SAMD15: variants seen among roughly 807,000 people sequenced by gnomAD.
SAMD15 encodes sterile alpha motif domain-containing protein 15.
In SAMD15, 37 loss-of-function variants were observed where a neutral mutation model predicts 50.5. The ratio of observed to expected loss-of-function variants is 0.73; its 90% CI spans 0.56 to 0.96. The LOEUF (loss-of-function observed/expected upper bound fraction) is 0.96. SAMD15 is among the 40% of genes least tolerant of loss of function. The pLI, the probability that SAMD15 is intolerant of heterozygous loss-of-function variation, is 0.00. For missense variants in SAMD15, 789 were observed against 783.8 expected (o/e 1.01, Z -0.08); for synonymous variants, 255 against 282.8 (o/e 0.90, Z 0.99).
Position 77,378,940 on chromosome 14 carries a change from G to T in SAMD15, c.1522G>T (p.Val508Phe). Residue 508 changes from valine (V) to phenylalanine (F), a missense_variant, in exon 1 of 3, where the codon GTT (valine) becomes TTT (phenylalanine). Val to Phe is a conservative substitution (Grantham distance 50, BLOSUM62 -1). Around this residue, in one of 2 missense-constraint regions of SAMD15, gnomAD observed 770 missense variants for 745.4 expected, o/e 1.03. Coordinates refer to ENST00000216471, the MANE Select transcript of SAMD15 (RefSeq NM_001010860.4). ...SESQTELSEF[V>F]HEKEVVDLSQ... is the part of the protein sequence containing the mutation. ...GTCTCAGACAGAATTAAGTGAGTTCGTTCATGAAAAGGAAGTTGTAGATTT... is the reference window on the plus strand; with the variant it reads ...GTCTCAGACAGAATTAAGTGAGTTCTTTCATGAAAAGGAAGTTGTAGATTT... The T allele has an allele frequency of 6.2e-7, 1 of 1,614,114 alleles. No individual in the cohort carries two copies. Among genetic ancestry groups the T allele is most frequent in the Non-Finnish European group, 8.5e-7 (1 of 1,179,990 alleles).
rs767761452 is a variant in SAMD15 at position 77,391,171 on chromosome 14, C to G, written c.1952C>G (p.Ala651Gly). 1.3e-5 allele frequency: 21 copies of G among 1,613,888 alleles called. No individual in the cohort carries two copies. The African/African-American group carries it at 1.3e-4, about 10-fold the overall frequency. ...ACTTTATCTGAATTTGTCAAAGCAG[C>G]AGGATTACAGGATTATGCTCCAGAA... Reference protein sequence around the residue: ...SLTLSEFVKAAGLQDYAPEIT... With the variant: ...SLTLSEFVKAGGLQDYAPEIT... The change falls in exon 3 of 3, where the codon GCA (alanine) becomes GGA (glycine). Residue 651 changes from alanine (A) to glycine (G), a missense_variant. Around this residue, in one of 2 missense-constraint regions of SAMD15, gnomAD observed 19 missense variants for 38.3 expected, o/e 0.50. Coordinates refer to ENST00000216471, the MANE Select transcript of SAMD15 (RefSeq NM_001010860.4).
Position 77,388,243 on chromosome 14 carries a change from C to T in SAMD15, c.1789-2765C>T, listed in dbSNP as rs951882265. The stretch of plus-strand genomic sequence containing the variant: ...AATTTGTGAAATAACCTTTTCTATT[C>T]GGGGCATTGGAAAGGAGAATCAGGG... On this transcript the variant is annotated intron_variant, in intron 2 of 2. Transcript: ENST00000216471. Among the ~76,000 whole-genome samples, 34 of 152,052 alleles carry T rather than the reference C, an allele frequency of 2.2e-4. 1 individual carries two copies. The highest frequency in any genetic ancestry group is 1.9e-4 in the Non-Finnish European group (13 of 68,016).
rs551116256 is a variant in SAMD15 at position 77,391,305 on chromosome 14, G to A, written c.*61G>A. On this transcript the variant is annotated 3_prime_UTR_variant, in exon 3 of 3. Transcript: ENST00000216471. ...TAAATTACTTGAGGGAAGAGGTATGGTCTTTTTTGGTTTTCTTTTTCTCCT... is the reference window on the plus strand; with the variant it reads ...TAAATTACTTGAGGGAAGAGGTATGATCTTTTTTGGTTTTCTTTTTCTCCT... 16 of 1,070,568 alleles carry A rather than the reference G, an allele frequency of 1.5e-5. No homozygotes were observed. The South Asian group carries it at 2.4e-4, about 16-fold the overall frequency. The allele number at this position is 1,070,568 out of a possible 1,614,324, so 66.3% of individuals were successfully genotyped here.
rs371944244 is a variant in SAMD15 at position 77,378,653 on chromosome 14, C to G, written c.1235C>G (p.Pro412Arg). Reference sequence around the variant, plus strand: ...CTAGAGTTACCAGATGAAACCAAACCAAGGGAGACACATGTAGAATTTTCC... The same window carrying G: ...CTAGAGTTACCAGATGAAACCAAACGAAGGGAGACACATGTAGAATTTTCC... ...KILELPDETK[P>R]RETHVEFSKE... The change falls in exon 1 of 3, where the codon CCA becomes CGA. Residue 412 changes from proline to arginine, a missense_variant. Physicochemically the swap from Pro to Arg is moderately radical, Grantham distance 103 (BLOSUM62 -2). This residue lies in a region of SAMD15 where 770 missense variants were observed against 745.4 expected (regional missense o/e 1.03). Coordinates refer to ENST00000216471, the MANE Select transcript of SAMD15 (RefSeq NM_001010860.4). The G allele has an allele frequency of 6.2e-7, 1 of 1,614,036 alleles. No homozygotes were observed. The highest frequency in any genetic ancestry group is 1.1e-5 in the South Asian group (1 of 91,064).
rs765107795 is a variant in SAMD15 at position 77,378,966 on chromosome 14, G to A, written c.1548G>A (p.Leu516=). The A allele has an allele frequency of 3.1e-6, 5 of 1,614,152 alleles. No individual in the cohort carries two copies. Among genetic ancestry groups the A allele is most frequent in the Non-Finnish European group, 4.2e-6 (5 of 1,180,038 alleles). Reference sequence around the variant, plus strand: ...TTCATGAAAAGGAAGTTGTAGATTTGTCCCAAGAGTTGAAGGAACGGGTCT... The same window carrying A: ...TTCATGAAAAGGAAGTTGTAGATTTATCCCAAGAGTTGAAGGAACGGGTCT... The part of the protein sequence containing the change: ...EFVHEKEVVD[L]SQELKERVSE... The change falls in exon 1 of 3, where the codon TTG becomes TTA. Residue 516 remains leucine, a synonymous_variant. Transcript: ENST00000216471.
rs764338238 is a variant in SAMD15 at position 77,378,390 on chromosome 14, C to T, written c.972C>T (p.Asn324=). 5.6e-6 allele frequency: 9 copies of T among 1,613,776 alleles called. No individual in the cohort carries two copies. Among genetic ancestry groups the T allele is most frequent in the African/African-American group, 4.0e-5 (3 of 74,860 alleles). ...AGCCAAGAAAGTCTACTGATGAGAA[C>T]GTTCCTGAGCCACTAGAAGAGATCA... ...DHKPRKSTDE[N]VPEPLEEIKL... Residue 324 remains asparagine, a synonymous_variant, in exon 1 of 3, where the codon AAC becomes AAT. Transcript: ENST00000216471.
intron 1 of SAMD15, among the ~76,000 whole-genome samples, chr14:77,379,747 T>C (rs1297619571): frequency 4.6e-5 from 7 of 152,204 alleles, no homozygotes; most frequent in African/African-American, 1.7e-4. Flanking sequence ...CAAGGTAGGC[T>C]TTTTGGTACT....
intron 1 of SAMD15, 79 bp downstream of exon 1, chr14:77,379,186 T>G: frequency 5.5e-6 from 7 of 1,281,628 alleles, no homozygotes; most frequent in Non-Finnish European, 7.6e-6. Context: ...GCCTGAGCTC[T>G]TACCTCTTTA....
At position 77,391,992 on chromosome 14, in the gene SAMD15, T is replaced by G. The variant is rs926198855; in HGVS notation, c.*748T>G. Among the ~76,000 whole-genome samples the G allele has an allele frequency of 3.9e-5, 6 of 152,070 alleles. No homozygotes were observed. Among genetic ancestry groups the G allele is most frequent in the African/African-American group, 1.4e-4 (6 of 41,412 alleles). On this transcript the variant is annotated 3_prime_UTR_variant, in exon 3 of 3. Transcript: ENST00000216471. Reference sequence around the variant, plus strand: ...TCATTTGAACCCAGGAAACAGAGGTTATAGTGAGCTGAGATGGTGCCACTG... The same window carrying G: ...TCATTTGAACCCAGGAAACAGAGGTGATAGTGAGCTGAGATGGTGCCACTG...
In SAMD15 at chr14:77,391,329, CTTTT is replaced by C. The variant is rs377304119; in HGVS notation, c.*96_*99del. 2 of 685,008 alleles carry C rather than the reference CTTTT, an allele frequency of 2.9e-6. No individual in the cohort carries two copies. The highest frequency in any genetic ancestry group is 4.8e-6 in the Non-Finnish European group (2 of 419,252). 42.4% of individuals were successfully genotyped at this position (685,008 alleles called of 1,614,324 possible). On this transcript the variant is annotated 3_prime_UTR_variant, in exon 3 of 3. Transcript: ENST00000216471. ...GGTCTTTTTTGGTTTTCTTTTTCTC[CTTTT>C]TTTTTTTTTTATTTTTTTGAGACAG...
rs763342787 is a variant in SAMD15, at chr14:77,377,592, G to A, written c.174G>A (p.Glu58=). 1 of 1,614,142 alleles carries A rather than the reference G, an allele frequency of 6.2e-7. No homozygotes were observed. The highest frequency in any genetic ancestry group is 8.5e-7 in the Non-Finnish European group (1 of 1,180,028). Residue 58 remains glutamate (E), a synonymous_variant, in exon 1 of 3, where the codon GAG becomes GAA. Transcript: ENST00000216471. ...PAEIYQEPQP[E]TEEEDFKEGE... The stretch of plus-strand genomic sequence containing the variant: ...AGATTTACCAAGAGCCACAGCCAGA[G>A]ACCGAGGAAGAGGACTTCAAAGAGG...
At position 77,391,055 on chromosome 14, in the gene SAMD15, A is replaced by G. The variant is rs1291471078; in HGVS notation, c.1836A>G (p.Leu612=). 1 of 1,613,954 alleles carries G rather than the reference A, an allele frequency of 6.2e-7. No homozygotes were observed. Among genetic ancestry groups the G allele is most frequent in the Non-Finnish European group, 8.5e-7 (1 of 1,179,986 alleles). Residue 612 remains leucine (L), a synonymous_variant, in exon 3 of 3, where the codon TTA becomes TTG. Transcript: ENST00000216471. Reference sequence around the variant, plus strand: ...AGCTCCTGGAAATTGAAGAGCCATTATTCAAACGCTCCATCAGCCTTCCCT... The same window carrying G: ...AGCTCCTGGAAATTGAAGAGCCATTGTTCAAACGCTCCATCAGCCTTCCCT... The part of the protein sequence containing the change: ...TQELLEIEEP[L]FKRSISLPYR...
chr14:77,387,259 C>G (rs1894015619), intron 2 of SAMD15, among the ~76,000 whole-genome samples: 1 of 152,106 alleles, frequency 6.6e-6, no homozygotes, highest in Non-Finnish European at 1.5e-5. Context: ...ATAGTGAAAC[C>G]CCAGCTCTAT....
intron 2 of SAMD15, among the ~76,000 whole-genome samples, chr14:77,388,409 G>T (rs1361817798): frequency 4.4e-4 from 67 of 151,456 alleles, no homozygotes; most frequent in Admixed American, 6.6e-5. Flanking sequence ...GTGTGTGTGT[G>T]TGTGTGTGTG....
Position 77,378,753 on chromosome 14 carries a change from AAG to A in SAMD15, c.1338_1339del (p.Gly447LysfsTer6). 6.2e-7 allele frequency: 1 copy of A among 1,612,192 alleles called. No individual in the cohort carries two copies. Among genetic ancestry groups the A allele is most frequent in the Non-Finnish European group, 8.5e-7 (1 of 1,179,524 alleles). On this transcript the variant is annotated frameshift_variant, in exon 1 of 3. Transcript: ENST00000216471. LOFTEE classifies it high-confidence loss of function. ...NDELEHREPK[R>X]GKLSLSDKFR... The stretch of plus-strand genomic sequence containing the variant: ...ATGAGCTAGAGCACCGTGAGCCTAA[AAG>A]AGGAAAGTTGTCACTAAGTGACAAA...
Position 77,378,422 on chromosome 14 carries a change from A to G in SAMD15, c.1004A>G (p.Glu335Gly). Reference sequence around the variant, plus strand: ...GAGCCACTAGAAGAGATCAAATTAGAGTTTCCTGAGGAAGAATCAAGAAAA... The same window carrying G: ...GAGCCACTAGAAGAGATCAAATTAGGGTTTCCTGAGGAAGAATCAAGAAAA... The part of the protein sequence containing the change: ...VPEPLEEIKL[E>G]FPEEESRKTN... Residue 335 changes from glutamate to glycine, a missense_variant, in exon 1 of 3, where the codon GAG (glutamate) becomes GGG (glycine). This residue lies in a region of SAMD15 where 770 missense variants were observed against 745.4 expected (regional missense o/e 1.03). Coordinates refer to ENST00000216471, the MANE Select transcript of SAMD15 (RefSeq NM_001010860.4). 3.7e-6 allele frequency: 6 copies of G among 1,614,034 alleles called. No homozygotes were observed. The highest frequency in any genetic ancestry group is 5.1e-6 in the Non-Finnish European group (6 of 1,180,000).
intron 2 of SAMD15, among the ~76,000 whole-genome samples, chr14:77,388,974 G>A (rs1170966890): frequency 1.3e-5 from 2 of 152,088 alleles, no homozygotes; most frequent in Non-Finnish European, 2.9e-5. Flanking sequence ...GACAACTCAG[G>A]AGGCTGAGGC....
At chr14:77,385,662 T>A (rs938702334) in intron 2 of SAMD15, among the ~76,000 whole-genome samples, 6 of 152,162 alleles carry the variant, frequency 3.9e-5, no homozygotes, top group Non-Finnish European at 5.9e-5. Context: ...ATTTACCCAA[T>A]AGAGTTCAGT....
chr14:77,387,293 A>C (rs1198797813), intron 2 of SAMD15, among the ~76,000 whole-genome samples: 3 of 152,086 alleles, frequency 2.0e-5, no homozygotes, highest in Admixed American at 1.3e-4. Flanking sequence ...AAAGTTAGCC[A>C]GGTGTGGTGG....
Sources: gnomAD v4.1 joint callset for allele counts (sites outside exome capture counted in the v4.1 genomes callset) on GRCh38, gnomAD v4.1.1 for gene constraint, gnomAD v4.1.1 regional missense constraint, MANE v1.5 for transcripts, NCBI Gene and HGNC (gene_info 2026-07-23, HGNC 2026-07-21) for gene names.